Variants in GLT1D1 observed in about 807,000 individuals in gnomAD.
GLT1D1 encodes glycosyltransferase 1 domain-containing protein 1.
GLT1D1 carries 21 observed loss-of-function variants against 28.7 expected under a neutral mutation model. That is an observed-to-expected ratio of 0.73 (90% CI 0.52 to 1.05). GLT1D1 has a LOEUF of 1.05. Among genes scored for constraint, GLT1D1 ranks in the 50% least tolerant of loss-of-function variants. The pLI, the probability that GLT1D1 is intolerant of heterozygous loss-of-function variation, is 0.00. For synonymous variants in GLT1D1, 147 were observed against 124.8 expected (o/e 1.18, Z -1.19); for missense variants, 343 against 330.6 (o/e 1.04, Z -0.29).
At chr12:128,931,851 C>A (rs1287057836) in intron 4 of GLT1D1, among the ~76,000 whole-genome samples, 2 of 151,742 alleles carry the variant, frequency 1.3e-5, no homozygotes, top group South Asian at 4.2e-4. Flanking sequence ...CAGTGAAATG[C>A]CTTTAGTTTT....
chr12:128,918,335 G>A lies in GLT1D1; in HGVS notation c.375+19048G>A, dbSNP rs1872315745. ...GAGAGGGTAGGGCTGGGGGCATCAG[G>A]AGAGCATCAGGAAAAATAGCTAATG... On this transcript the variant is annotated intron_variant, in intron 4 of 7. Transcript: ENST00000281703. 1.3e-5 allele frequency among the ~76,000 whole-genome samples: 2 copies of A among 152,162 alleles called. 1 individual carries two copies. Among genetic ancestry groups the A allele is most frequent in the South Asian group, 4.2e-4 (2 of 4,816 alleles).
chr12:128,924,461 T>A (rs10847719), intron 4 of GLT1D1, among the ~76,000 whole-genome samples: 80,409 of 151,160 alleles, frequency 0.53, 21,641 homozygotes, highest in East Asian at 0.75. Context: ...AAAGCCTCTT[T>A]TATTTATTTA....
intron 2 of GLT1D1, among the ~76,000 whole-genome samples, chr12:128,880,119 G>A (rs1340632518): frequency 6.6e-6 from 1 of 152,158 alleles, no homozygotes; most frequent in Non-Finnish European, 1.5e-5. Flanking sequence ...ATTCCAGTTC[G>A]TATTCTACTA....
intron 1 of GLT1D1, among the ~76,000 whole-genome samples, chr12:128,865,006 C>A (rs961929978): frequency 7.2e-5 from 11 of 152,222 alleles, no homozygotes; most frequent in African/African-American, 2.2e-4. Flanking sequence ...CCCCAGCCCT[C>A]CCTGGTTCAT....
Position 128,956,171 on chromosome 12 carries a change from A to AAAAAAAAAAAAAAAAAAAAAAAAAAAAG in GLT1D1, c.541-1373_541-1372insAAAAAAAAAAAAAAAAAAAAAAAAAAGA, listed in dbSNP as rs374597920. ...GAGACTCCATCTCAAAAAAAAAAAA[A>AAAAAAAAAAAAAAAAAAAAAAAAAAAAG]AGAGAAAGAGAGAAAGAAAGAAAGA... is the stretch of plus-strand genomic sequence containing the variant. On this transcript the variant is annotated intron_variant, in intron 6 of 7. Coordinates refer to ENST00000281703, the MANE Select transcript of GLT1D1 (RefSeq NM_144669.3). Among the ~76,000 whole-genome samples the AAAAAAAAAAAAAAAAAAAAAAAAAAAAG allele has an allele frequency of 2.8e-4, 18 of 63,980 alleles. 1 individual carries two copies. The highest frequency in any genetic ancestry group is 4.1e-4 in the East Asian group (1 of 2,448). The allele number at this position is 63,980 out of a possible 152,430, so 42.0% of individuals were successfully genotyped here.
In GLT1D1 at chr12:128,914,689, G is replaced by A. The variant is rs542582767; in HGVS notation, c.375+15402G>A. On this transcript the variant is annotated intron_variant, in intron 4 of 7. Transcript: ENST00000281703. ...ACAAAAATTAGCCGGGTGTGGCAGCGGGCGCCTATACTCCCAGCTACTCGG... is the reference window on the plus strand; with the variant it reads ...ACAAAAATTAGCCGGGTGTGGCAGCAGGCGCCTATACTCCCAGCTACTCGG... Among the ~76,000 whole-genome samples, 9 of 151,934 alleles carry A rather than the reference G, an allele frequency of 5.9e-5. No individual in the cohort carries two copies. The South Asian group carries it at 6.2e-4, about 11-fold the overall frequency.
intron 7 of GLT1D1, among the ~76,000 whole-genome samples, chr12:128,960,539 C>A (rs567937491): frequency 7.2e-5 from 11 of 151,810 alleles, no homozygotes; most frequent in Non-Finnish European, 1.3e-4. Context: ...GGGTGGATTG[C>A]CAGAGGTTAG....
intron 7 of GLT1D1, among the ~76,000 whole-genome samples, chr12:128,966,385 C>T (rs779482595): frequency 1.3e-4 from 20 of 152,320 alleles, no homozygotes; most frequent in Admixed American, 4.6e-4. Flanking sequence ...GCTCTGCGGC[C>T]ACGTGGGCAT....
chr12:128,873,223 G>T (rs1169157182), intron 1 of GLT1D1, among the ~76,000 whole-genome samples: 1 of 152,084 alleles, frequency 6.6e-6, no homozygotes, highest in Non-Finnish European at 1.5e-5. Flanking sequence ...CACAATCATT[G>T]TTATCTCTTT....
intron 4 of GLT1D1, among the ~76,000 whole-genome samples, chr12:128,900,491 C>T (rs1056835815): frequency 7.9e-5 from 12 of 152,182 alleles, no homozygotes; most frequent in African/African-American, 2.2e-4. Context: ...CACGCCCTGA[C>T]GGCCCATAGT....
At chr12:128,870,107 C>T (rs1423261777) in intron 1 of GLT1D1, among the ~76,000 whole-genome samples, 1 of 151,960 alleles carries the variant, frequency 6.6e-6, no homozygotes, top group African/African-American at 2.4e-5. Context: ...GACGGGGTTT[C>T]ACCATGTTGG....
chr12:128,911,316 C>T (rs1450110448), intron 4 of GLT1D1, among the ~76,000 whole-genome samples: 1 of 152,234 alleles, frequency 6.6e-6, no homozygotes, highest in African/African-American at 2.4e-5. Flanking sequence ...TGTTGATTGT[C>T]TCGCCCTTGG....
intron 3 of GLT1D1, among the ~76,000 whole-genome samples, chr12:128,895,428 C>T (rs1052838903): frequency 1.3e-5 from 2 of 149,466 alleles, no homozygotes; most frequent in African/African-American, 2.5e-5. Flanking sequence ...GGGGAGGGGT[C>T]GGGAGTTTGT....
chr12:128,909,949 G>T (rs1871347549), intron 4 of GLT1D1, among the ~76,000 whole-genome samples: 1 of 152,350 alleles, frequency 6.6e-6, no homozygotes, highest in South Asian at 2.1e-4. Context: ...AATAAATATT[G>T]AGCAAAGAAA....
chr12:128,921,176 T>C (rs1044566591), intron 4 of GLT1D1, among the ~76,000 whole-genome samples: 3 of 152,110 alleles, frequency 2.0e-5, no homozygotes, highest in Admixed American at 6.6e-5. Context: ...CAAATCCAAA[T>C]GCTGTCTCTT....
chr12:128,858,335 T>C (rs1468018102), intron 1 of GLT1D1, among the ~76,000 whole-genome samples: 1 of 152,198 alleles, frequency 6.6e-6, no homozygotes, highest in Non-Finnish European at 1.5e-5. Flanking sequence ...TATCTTGAAA[T>C]GGCCCTGCAG....
At chr12:128,904,711 G>A (rs1246202220) in intron 4 of GLT1D1, among the ~76,000 whole-genome samples, 1 of 144,946 alleles carries the variant, frequency 6.9e-6, no homozygotes, top group Non-Finnish European at 1.5e-5. Flanking sequence ...TCGGCTCACC[G>A]CAACCTGCGG....
chr12:128,974,014 G>C (rs959437310), intron 7 of GLT1D1, among the ~76,000 whole-genome samples: 1 of 151,652 alleles, frequency 6.6e-6, no homozygotes, highest in East Asian at 1.9e-4. Context: ...GAGGGGGACA[G>C]TCTGGGTCTA....
chr12:128,982,405 A>C (rs78272169), intron 7 of GLT1D1, among the ~76,000 whole-genome samples: 1,679 of 152,310 alleles, frequency 0.011, 34 homozygotes, highest in African/African-American at 0.039. Context: ...CTTTCCACTA[A>C]AGCAGATACC....
Sources: gnomAD v4.1 joint callset for allele counts (sites outside exome capture counted in the v4.1 genomes callset) on GRCh38, gnomAD v4.1.1 for gene constraint, MANE v1.5 for transcripts, NCBI Gene and HGNC (gene_info 2026-07-23, HGNC 2026-07-21) for gene names.